The following ANKS1B variants were observed in gnomAD, a reference collection of about 807,000 sequenced individuals.
ANKS1B encodes the protein ankyrin repeat and sterile alpha motif domain-containing protein 1B.
A neutral mutation model predicts 148.3 loss-of-function variants in ANKS1B; 36 were observed. The ratio of observed to expected loss-of-function variants is 0.24; its 90% CI spans 0.19 to 0.32. The LOEUF (loss-of-function observed/expected upper bound fraction) is 0.32, where lower values mean the gene tolerates loss of function less well. Ranked by LOEUF, ANKS1B falls within the 10% of genes least tolerant of loss-of-function variation. ANKS1B has a pLI of 1.00. For missense variants in ANKS1B, 1,157 were observed against 1,542.6 expected (o/e 0.75, Z 4.19); for synonymous variants, 542 against 560.8 (o/e 0.97, Z 0.47).
Position 98,918,963 on chromosome 12 carries a change from A to G in ANKS1B, c.2779-86827T>C, listed in dbSNP as rs536056958. 3.5e-4 allele frequency among the ~76,000 whole-genome samples: 54 copies of G among 152,310 alleles called. No individual in the cohort carries two copies. In the South Asian group the frequency reaches 0.01, roughly 29 times the overall value. Reference sequence around the variant, plus strand: ...AATTTATATAACAAGACCAATACTCACTGACATATTTAGCAAACACTTACC... The same window carrying G: ...AATTTATATAACAAGACCAATACTCGCTGACATATTTAGCAAACACTTACC... On this transcript the variant is annotated intron_variant, in intron 17 of 26. Transcript: ENST00000683438.
At chr12:98,814,965 C>T (rs1178036800) in intron 19 of ANKS1B, among the ~76,000 whole-genome samples, 3 of 152,188 alleles carry the variant, frequency 2.0e-5, no homozygotes, top group Admixed American at 6.5e-5. Context: ...CTTATACTTT[C>T]GGTTACCATG....
Position 99,071,644 on chromosome 12 carries a change from C to CT in ANKS1B, c.2625+13280dup, listed in dbSNP as rs71646503. 1.8e-3 allele frequency among the ~76,000 whole-genome samples: 256 copies of CT among 143,184 alleles called. 2 individuals are homozygous for CT. Among genetic ancestry groups the CT allele is most frequent in the Middle Eastern group, 3.5e-3 (1 of 288 alleles). 93.9% of individuals were successfully genotyped at this position (143,184 alleles called of 152,430 possible). A position where few individuals can be genotyped will look rare whatever the true frequency, so the allele number is the denominator to read the frequency against. ...TTAGGCTTATTCATTTAATCTCTCTCTTTTTTTTTTTTTTGTTTTTTGAGA... is the reference window on the plus strand; with the variant it reads ...TTAGGCTTATTCATTTAATCTCTCTCTTTTTTTTTTTTTTTGTTTTTTGAGA... On this transcript the variant is annotated intron_variant, in intron 16 of 26. Transcript: ENST00000683438.
intron 8 of ANKS1B, among the ~76,000 whole-genome samples, chr12:99,722,413 C>T (rs2058174290): frequency 6.6e-6 from 1 of 152,156 alleles, no homozygotes; most frequent in South Asian, 2.1e-4. Flanking sequence ...AACACTAAAG[C>T]TTTTAAGAAC....
intron 1 of ANKS1B, among the ~76,000 whole-genome samples, chr12:99,830,811 C>T (rs1250418961): frequency 6.6e-6 from 1 of 152,122 alleles, no homozygotes; most frequent in Non-Finnish European, 1.5e-5. Context: ...CTTTTTCTCA[C>T]ACACCCTGTT....
At chr12:98,904,004 G>A (rs1444020334) in intron 17 of ANKS1B, among the ~76,000 whole-genome samples, 1 of 151,914 alleles carries the variant, frequency 6.6e-6, no homozygotes, top group African/African-American at 2.4e-5. Flanking sequence ...CCTGTGCTAT[G>A]TTATACTTAA....
Position 99,053,154 on chromosome 12 carries a change from T to C in ANKS1B, c.2778+3A>G. On this transcript the variant is annotated splice_donor_region_variant and intron_variant, in intron 17 of 26. Coordinates refer to ENST00000683438, the MANE Select transcript of ANKS1B (RefSeq NM_001352186.2). ...TTAAGGTGTCACTAAGAGACCAACTTACATTAATAAGTTCAACCTCCCAGA... is the reference window on the plus strand; with the variant it reads ...TTAAGGTGTCACTAAGAGACCAACTCACATTAATAAGTTCAACCTCCCAGA... 6.2e-7 allele frequency: 1 copy of C among 1,602,572 alleles called. No individual in the cohort carries two copies. Among genetic ancestry groups the C allele is most frequent in the Non-Finnish European group, 8.5e-7 (1 of 1,174,894 alleles).
At chr12:98,882,389 G>T (rs1048711388) in intron 17 of ANKS1B, among the ~76,000 whole-genome samples, 1 of 152,164 alleles carries the variant, frequency 6.6e-6, no homozygotes, top group African/African-American at 2.4e-5. Context: ...TCCATTTCCA[G>T]AAGATGTGCA....
intron 15 of ANKS1B, 92 bp from the exon 16 acceptor site, chr12:99,085,115 G>T: frequency 1.0e-6 from 1 of 980,148 alleles, no homozygotes; most frequent in Non-Finnish European, 1.6e-6. Context: ...AAACCAGTGA[G>T]TGACCTGATT....
At chr12:99,155,293 T>C (rs544024702) in intron 14 of ANKS1B, among the ~76,000 whole-genome samples, 18 of 152,320 alleles carry the variant, frequency 1.2e-4, no homozygotes, top group African/African-American at 4.3e-4. Context: ...TTATTCTGTT[T>C]CTTTACCATG....
At chr12:99,208,213 C>G (rs2082911391) in intron 14 of ANKS1B, among the ~76,000 whole-genome samples, 1 of 152,008 alleles carries the variant, frequency 6.6e-6, no homozygotes, top group African/African-American at 2.4e-5. Flanking sequence ...ACTGAATCCT[C>G]TCTATTAAAG....
intron 15 of ANKS1B, among the ~76,000 whole-genome samples, chr12:99,152,378 T>C (rs2075166562): frequency 6.6e-6 from 1 of 152,144 alleles, no homozygotes. Context: ...TCTTATTTTC[T>C]AGAAAATTAT....
chr12:99,681,622 A>C (rs1296371719), intron 8 of ANKS1B, among the ~76,000 whole-genome samples: 1 of 152,214 alleles, frequency 6.6e-6, no homozygotes, highest in Non-Finnish European at 1.5e-5. Flanking sequence ...AGGAAGCCCC[A>C]TTCCTAGAGG....
intron 10 of ANKS1B, among the ~76,000 whole-genome samples, chr12:99,491,166 G>A (rs1445463896): frequency 1.3e-5 from 2 of 152,148 alleles, no homozygotes; most frequent in South Asian, 2.1e-4. Context: ...TTAGCTGGGC[G>A]CAGTGGTGGG....
At chr12:99,484,821 G>C (rs956990165) in intron 10 of ANKS1B, among the ~76,000 whole-genome samples, 1 of 137,672 alleles carries the variant, frequency 7.3e-6, no homozygotes, top group African/African-American at 2.7e-5. Flanking sequence ...TTTGATATAA[G>C]ACTAGCTACT....
intron 1 of ANKS1B, among the ~76,000 whole-genome samples, chr12:99,981,766 G>A (rs936170143): frequency 6.6e-6 from 1 of 152,058 alleles, no homozygotes; most frequent in Non-Finnish European, 1.5e-5. Context: ...GAGATGACAC[G>A]TGTAAGCACT....
At position 99,276,736 on chromosome 12, in the gene ANKS1B, G is replaced by A. The variant is rs936330099; in HGVS notation, c.1757-29872C>T. Among the ~76,000 whole-genome samples, 11 of 152,114 alleles carry A rather than the reference G, an allele frequency of 7.2e-5. 1 individual carries two copies. Among genetic ancestry groups the A allele is most frequent in the Non-Finnish European group, 1.2e-4 (8 of 68,008 alleles). On this transcript the variant is annotated intron_variant, in intron 12 of 26. Transcript: ENST00000683438. Reference sequence around the variant, plus strand: ...ATAATAAAACCTTCTTCTGACGATGGAATCAGACATTTAAAAAACATCACA... The same window carrying A: ...ATAATAAAACCTTCTTCTGACGATGAAATCAGACATTTAAAAAACATCACA...
At chr12:99,041,261 T>G (rs1202032951) in intron 17 of ANKS1B, among the ~76,000 whole-genome samples, 1 of 152,052 alleles carries the variant, frequency 6.6e-6, no homozygotes, top group Non-Finnish European at 1.5e-5. Context: ...GGAATCAAAT[T>G]CAATGAAAAA....
chr12:98,948,573 G>A (rs1267670947), intron 17 of ANKS1B, among the ~76,000 whole-genome samples: 1 of 152,138 alleles, frequency 6.6e-6, no homozygotes, highest in Non-Finnish European at 1.5e-5. Flanking sequence ...TGCAATTTAT[G>A]CTGATTAACC....
At chr12:99,069,589 A>G (rs2045638090) in intron 16 of ANKS1B, among the ~76,000 whole-genome samples, 2 of 152,242 alleles carry the variant, frequency 1.3e-5, no homozygotes, top group South Asian at 4.1e-4. Context: ...GAAATCATTT[A>G]AAGTGTATCC....
Sources: gnomAD v4.1 joint callset for allele counts (sites outside exome capture counted in the v4.1 genomes callset) on GRCh38, gnomAD v4.1.1 for gene constraint, MANE v1.5 for transcripts, NCBI Gene and HGNC (gene_info 2026-07-23, HGNC 2026-07-21) for gene names.